CELF5: variants seen among roughly 807,000 people sequenced by gnomAD.
CELF5 encodes the protein CUG-BP and ETR-3 like factor 5.
CELF5 carries 6 observed loss-of-function variants against 54.9 expected under a neutral mutation model. The ratio of observed to expected loss-of-function variants is 0.11; its 90% CI spans 0.06 to 0.22. CELF5 has a LOEUF of 0.22. CELF5 is among the 10% of genes least tolerant of loss of function. The pLI is 1.00. For missense variants in CELF5, 401 were observed against 678.6 expected, an observed-to-expected ratio of 0.59 and a Z score of 4.54; for synonymous variants, 271 against 290.9, an observed-to-expected ratio of 0.93 and a Z score of 0.70.
At chr19:3,273,319 G>A (rs2079996242) in intron 2 of CELF5, among the ~76,000 whole-genome samples, 1 of 151,946 alleles carries the variant, frequency 6.6e-6, no homozygotes, top group Non-Finnish European at 1.5e-5. Context: ...CTCCCCTGAG[G>A]TGGCTGTCAG....
intron 8 of CELF5, chr19:3,284,663 C>CGTGTAGA: frequency 1.8e-6 from 1 of 557,246 alleles, no homozygotes; most frequent in South Asian, 2.1e-5. Context: ...CGATGGTGAT[C>CGTGTAGA]TCTCTCTGGA....
At chr19:3,277,891 G>T in intron 4 of CELF5, 140 bp from the exon 5 acceptor site, 1 of 654,432 alleles carries the variant, frequency 1.5e-6, no homozygotes, top group Non-Finnish European at 2.7e-6. Context: ...ACGGCTGGCT[G>T]TCTTTCTGTT....
rs750208631 is a variant in CELF5 at position 3,251,037 on chromosome 19, T to A, written c.312T>A (p.Thr104=). 1.2e-6 allele frequency: 2 copies of A among 1,613,790 alleles called. No homozygotes were observed. The highest frequency in any genetic ancestry group is 1.7e-6 in the Non-Finnish European group (2 of 1,179,886). The change falls in exon 2 of 13, where the codon ACT becomes ACA. Residue 104 remains threonine (T), a synonymous_variant. Coordinates refer to ENST00000292672, the MANE Select transcript of CELF5 (RefSeq NM_021938.4). ...CARDSAIKAQ[T]ALHEQKTLPG... is the part of the protein sequence containing the mutation. ...GGGATTCCGCCATCAAAGCTCAGACTGCCCTGCACGAGCAGAAGACCTTGC... is the reference window on the plus strand; with the variant it reads ...GGGATTCCGCCATCAAAGCTCAGACAGCCCTGCACGAGCAGAAGACCTTGC...
intron 1 of CELF5, among the ~76,000 whole-genome samples, chr19:3,249,402 C>A (rs2079616404): frequency 6.6e-6 from 1 of 152,206 alleles, no homozygotes; most frequent in Non-Finnish European, 1.5e-5. Context: ...TTGCTTGTCT[C>A]CTGTCTCTGT....
chr19:3,275,935 G>A lies in CELF5; in HGVS notation c.474G>A (p.Gly158=), dbSNP rs367569735. 9 of 1,611,874 alleles carry A rather than the reference G, an allele frequency of 5.6e-6. No homozygotes were observed. The African/African-American group carries it at 9.4e-5, about 17-fold the overall frequency. The stretch of plus-strand genomic sequence containing the variant: ...TGCTGCGGCTGTTCCAGCCCTTCGG[G>A]GTCATTGACGAGTGCACCGTGCTCC... ...EDVLRLFQPF[G]VIDECTVLRG... The change falls in exon 4 of 13, where the codon GGG becomes GGA. Residue 158 remains glycine, a synonymous_variant. Transcript: ENST00000292672. This position sits in a 1 kb window ranked among gnomAD's most constrained non-coding sequence, Gnocchi z 6.7.
chr19:3,227,148 G>C (rs544304266), intron 1 of CELF5, among the ~76,000 whole-genome samples: 70 of 152,256 alleles, frequency 4.6e-4, no homozygotes, highest in African/African-American at 1.6e-3. Flanking sequence ...CCCCACCTGC[G>C]TGGGGCCTGG....
chr19:3,275,086 G>A lies in CELF5; in HGVS notation c.395-770G>A, dbSNP rs1367621988. ...CTCTCTCTCCCTCCCACCCCCATGA[G>A]TGACAGCTGCCGAGAGCGGTTTCCA... is the stretch of plus-strand genomic sequence containing the variant. On this transcript the variant is annotated intron_variant, in intron 3 of 12. Coordinates refer to ENST00000292672, the MANE Select transcript of CELF5 (RefSeq NM_021938.4). This position sits in a 1 kb window ranked among gnomAD's most constrained non-coding sequence, Gnocchi z 6.7. Among the ~76,000 whole-genome samples the A allele has an allele frequency of 6.6e-6, 1 of 152,020 alleles. No individual in the cohort carries two copies. Among genetic ancestry groups the A allele is most frequent in the African/African-American group, 2.4e-5 (1 of 41,378 alleles).
rs2080003593 is a variant in CELF5, at chr19:3,273,815, C to T, written c.343-57C>T. Reference sequence around the variant, plus strand: ...GCCTGCAGAGCTCAGGCAAAACCCCCCGCCTGCCACACCCCCACTGCTAAG... The same window carrying T: ...GCCTGCAGAGCTCAGGCAAAACCCCTCGCCTGCCACACCCCCACTGCTAAG... On this transcript the variant is annotated intron_variant, in intron 2 of 12. Coordinates refer to ENST00000292672, the MANE Select transcript of CELF5 (RefSeq NM_021938.4). The T allele has an allele frequency of 4.0e-6, 5 of 1,254,792 alleles. No homozygotes were observed. The South Asian group carries it at 4.8e-5, about 12-fold the overall frequency. 77.7% of individuals were successfully genotyped at this position (1,254,792 alleles called of 1,614,324 possible).
intron 2 of CELF5, among the ~76,000 whole-genome samples, chr19:3,263,997 T>A (rs974769196): frequency 2.0e-5 from 3 of 152,192 alleles, no homozygotes; most frequent in African/African-American, 7.2e-5. Context: ...ACAAACATCC[T>A]GATGACCACT....
At chr19:3,246,757 C>T (rs1308952366) in intron 1 of CELF5, among the ~76,000 whole-genome samples, 1 of 152,144 alleles carries the variant, frequency 6.6e-6, no homozygotes, top group Non-Finnish European at 1.5e-5. Flanking sequence ...CAACTTTATT[C>T]ATAATTGCCC....
chr19:3,293,568 A>C, intron 12 of CELF5, 82 bp downstream of exon 12: 13 of 1,191,134 alleles, frequency 1.1e-5, no homozygotes, highest in African/African-American at 1.5e-5. Context: ...TCATGCTCCA[A>C]ACCCTCCCCA....
intron 1 of CELF5, among the ~76,000 whole-genome samples, chr19:3,238,363 C>T (rs1422472932): frequency 6.6e-6 from 1 of 152,180 alleles, no homozygotes; most frequent in African/African-American, 2.4e-5. Flanking sequence ...GTCTTTCTTC[C>T]AAAGTGCACC....
chr19:3,238,096 G>A (rs1460091478), intron 1 of CELF5, among the ~76,000 whole-genome samples: 2 of 152,144 alleles, frequency 1.3e-5, no homozygotes, highest in Admixed American at 1.3e-4. Flanking sequence ...GGTCACGCCT[G>A]TAATCCCAGC....
intron 10 of CELF5, among the ~76,000 whole-genome samples, chr19:3,290,022 C>T (rs571067898): frequency 1.8e-4 from 27 of 152,116 alleles, no homozygotes; most frequent in African/African-American, 5.5e-4. Context: ...GGAGTAGCCC[C>T]GTGTGAGATC....
intron 9 of CELF5, among the ~76,000 whole-genome samples, chr19:3,285,349 C>T (rs2080222670): frequency 6.7e-6 from 1 of 148,170 alleles, no homozygotes; most frequent in African/African-American, 2.5e-5. Flanking sequence ...CCGCCCCTCA[C>T]TTCCTGCCTT....
At chr19:3,238,327 C>T (rs1343714710) in intron 1 of CELF5, among the ~76,000 whole-genome samples, 1 of 148,400 alleles carries the variant, frequency 6.7e-6, no homozygotes, top group East Asian at 2.0e-4. Context: ...ACCCTGAGAT[C>T]CCGCAGGGCC....
chr19:3,224,858 A>G lies in CELF5; in HGVS notation c.119A>G (p.Lys40Arg), dbSNP rs766097945. The G allele has an allele frequency of 1.0e-5, 16 of 1,603,988 alleles. No individual in the cohort carries two copies. The highest frequency in any genetic ancestry group is 1.7e-5 in the Admixed American group (1 of 58,912). The change falls in exon 1 of 13, where the codon AAG (lysine) becomes AGG (arginine). Residue 40 changes from lysine (K) to arginine (R), a missense_variant. By Grantham distance (26) the Lys-to-Arg change is conservative. This residue lies in a region of CELF5 where 66 missense variants were observed against 132.3 expected (regional missense o/e 0.50). Coordinates refer to ENST00000292672, the MANE Select transcript of CELF5 (RefSeq NM_021938.4). Reference protein sequence around the residue: ...EPPGGQPDGMKDLDAIKLFVG... With the variant: ...EPPGGQPDGMRDLDAIKLFVG... ...CCCGGGGGGCAGCCCGACGGCATGA[A>G]GGACCTGGACGCCATCAAACTCTTC...
At chr19:3,239,368 G>A (rs561210365) in intron 1 of CELF5, among the ~76,000 whole-genome samples, 1 of 152,030 alleles carries the variant, frequency 6.6e-6, no homozygotes, top group East Asian at 1.9e-4. Context: ...CAAGTAGCTG[G>A]GACTGCAAGT....
In CELF5 at chr19:3,228,875, CGTGT is replaced by C. The variant is rs60632293; in HGVS notation, c.259+3914_259+3917del. ...GGGGGTGGCTGGCAGGGTTGGCCGG[CGTGT>C]GTGTGTGTGTGTGTGTGTGTGTGTG... is the stretch of plus-strand genomic sequence containing the variant. On this transcript the variant is annotated intron_variant, in intron 1 of 12. Coordinates refer to ENST00000292672, the MANE Select transcript of CELF5 (RefSeq NM_021938.4). The surrounding 1 kb of genome is among the most constrained non-coding windows in gnomAD (Gnocchi z 6.0). Among the ~76,000 whole-genome samples the C allele has an allele frequency of 0.022, 2,708 of 124,102 alleles. 44 individuals carry two copies. Among genetic ancestry groups the C allele is most frequent in the East Asian group, 0.052 (216 of 4,140 alleles). 81.4% of individuals were successfully genotyped at this position (124,102 alleles called of 152,430 possible). A position where few individuals can be genotyped will look rare whatever the true frequency, so the allele number is the denominator to read the frequency against.
Sources: gnomAD v4.1 joint callset for allele counts (sites outside exome capture counted in the v4.1 genomes callset) on GRCh38, gnomAD v4.1.1 for gene constraint, gnomAD v4.1.1 regional missense constraint, Gnocchi (gnomAD v3.1) non-coding constraint, MANE v1.5 for transcripts, NCBI Gene and HGNC (gene_info 2026-07-23, HGNC 2026-07-21) for gene names.